ITGA7: variants seen among roughly 807,000 people sequenced by gnomAD.
ITGA7 encodes the protein integrin subunit alpha 7.
Under a neutral mutation model 131.6 loss-of-function variants are expected in ITGA7, and 84 were observed. The ratio of observed to expected loss-of-function variants is 0.64; its 90% CI spans 0.54 to 0.77. The LOEUF (loss-of-function observed/expected upper bound fraction) is 0.77, where lower values mean the gene tolerates loss of function less well. ITGA7 is among the 30% of genes least tolerant of loss of function. The pLI, the probability that ITGA7 is intolerant of heterozygous loss-of-function variation, is 0.00. For missense variants in ITGA7, 1,399 were observed against 1,482.9 expected (o/e 0.94, Z 0.93); for synonymous variants, 548 against 600.7 (o/e 0.91, Z 1.28).
rs1294155594 is a variant in ITGA7 at position 55,694,182 on chromosome 12, AG to A, written c.2433-60del. 6.2e-7 allele frequency: 1 copy of A among 1,611,138 alleles called. No homozygotes were observed. The highest frequency in any genetic ancestry group is 8.5e-7 in the Non-Finnish European group (1 of 1,177,230). ...GTCTGGGGCCTGGCTCAATGAAGGC[AG>A]GGCCCTGGCCAAGGTTTGGAAATGT... On this transcript the variant is annotated intron_variant, in intron 18 of 24. Transcript: ENST00000257879. The surrounding 1 kb of genome is among the most constrained non-coding windows in gnomAD (Gnocchi z 5.3).
At chr12:55,710,713 T>A (rs1876024064), upstream of ITGA7, among the ~76,000 whole-genome samples, 2 of 148,278 alleles carry the variant, frequency 1.3e-5, no homozygotes, top group Admixed American at 1.3e-4. Context: ...CAGTGAGCCA[T>A]GATCTTGCCA....
chr12:55,715,017 C>T (rs1158933794), upstream of ITGA7, among the ~76,000 whole-genome samples: 2 of 151,828 alleles, frequency 1.3e-5, no homozygotes, highest in South Asian at 2.1e-4. Context: ...TGTGCCACTA[C>T]GCCTGGCTAA....
Position 55,685,276 on chromosome 12 carries a change from T to C in ITGA7, c.3196A>G (p.Lys1066Glu). Reference sequence around the variant, plus strand: ...GTGGCCTCGGGGTGCTTCGCCCGTTTGAAGAATCCCATCTATAAGGACACC... The same window carrying C: ...GTGGCCTCGGGGTGCTTCGCCCGTTCGAAGAATCCCATCTATAAGGACACC... ...VLLLWKMGFF[K>E]RAKHPEATVP... The change falls in exon 25 of 25, where the codon AAA (lysine) becomes GAA (glutamate). Residue 1066 changes from lysine to glutamate, a missense_variant. Lys to Glu is a moderately conservative substitution (Grantham distance 56). Coordinates refer to ENST00000257879, the MANE Select transcript of ITGA7 (RefSeq NM_002206.3). 3 of 1,614,134 alleles carry C rather than the reference T, an allele frequency of 1.9e-6. No homozygotes were observed. The highest frequency in any genetic ancestry group is 2.5e-6 in the Non-Finnish European group (3 of 1,180,026).
chr12:55,686,324 C>A, intron 24 of ITGA7: 1 of 1,319,148 alleles, frequency 7.6e-7, no homozygotes, highest in Non-Finnish European at 1.0e-6. Flanking sequence ...ACTAGGATGT[C>A]GAGGGAGAAG....
Position 55,694,310 on chromosome 12 carries a change from T to G in ITGA7, c.2378A>C (p.His793Pro). 2 of 1,613,912 alleles carry G rather than the reference T, an allele frequency of 1.2e-6. No individual in the cohort carries two copies. Among genetic ancestry groups the G allele is most frequent in the South Asian group, 1.1e-5 (1 of 91,086 alleles). ...LLATISEQEL[H>P]PVSARARVFI... The stretch of plus-strand genomic sequence containing the variant: ...GACACGGGCTCGTGCAGAGACTGGA[T>G]GCAGCTCCTGCTCACTGATCCTGGT... The change falls in exon 18 of 25, where the codon CAT (histidine) becomes CCT (proline). Residue 793 changes from histidine to proline, a missense_variant. Physicochemically the swap from His to Pro is moderately conservative, Grantham distance 77. Transcript: ENST00000257879. The surrounding 1 kb of genome is among the most constrained non-coding windows in gnomAD (Gnocchi z 5.3).
chr12:55,696,181 G>A (rs1425155657), intron 13 of ITGA7, 102 bp downstream of exon 13: 38 of 1,282,362 alleles, frequency 3.0e-5, no homozygotes, highest in Middle Eastern at 2.6e-4. Context: ...AGTAGCATAC[G>A]TGAAAGGGCT....
chr12:55,693,263 T>G lies in ITGA7; in HGVS notation c.2590A>C (p.Met864Leu). 5 of 1,613,744 alleles carry G rather than the reference T, an allele frequency of 3.1e-6. No homozygotes were observed. The South Asian group carries it at 5.5e-5, about 18-fold the overall frequency. Residue 864 changes from methionine (M) to leucine (L), a missense_variant, in exon 20 of 25, where the codon ATG (methionine) becomes CTG (leucine). Physicochemically the swap from Met to Leu is conservative, Grantham distance 15. Coordinates refer to ENST00000257879, the MANE Select transcript of ITGA7 (RefSeq NM_002206.3). ...CCATTGGCAATCTCATGAGGCCACATGATGTTGAGGAAGGCAGAGCCCAGG... is the reference window on the plus strand; with the variant it reads ...CCATTGGCAATCTCATGAGGCCACAGGATGTTGAGGAAGGCAGAGCCCAGG... ...RTLGSAFLNI[M>L]WPHEIANGKW...
chr12:55,703,108 C>A lies in ITGA7; in HGVS notation c.277G>T (p.Ala93Ser), dbSNP rs777338785. The A allele has an allele frequency of 6.2e-7, 1 of 1,613,982 alleles. No individual in the cohort carries two copies. The highest frequency in any genetic ancestry group is 8.5e-7 in the Non-Finnish European group (1 of 1,180,048). Residue 93 changes from alanine (A) to serine (S), a missense_variant, in exon 2 of 25, where the codon GCT becomes TCT. Coordinates refer to ENST00000257879, the MANE Select transcript of ITGA7 (RefSeq NM_002206.3). ...GTCTCCTCCAGGCTCAACGGGCAAG[C>A]GAAGAGGCCTCCAGTGCGATTCGCC... The part of the protein sequence containing the change: ...QQANRTGGLF[A>S]CPLSLEETDC...
Position 55,692,825 on chromosome 12 carries a change from G to T in ITGA7, c.2844+19C>A. On this transcript the variant is annotated intron_variant, in intron 21 of 24. Transcript: ENST00000257879. ...AGCACCCCGGAGCTCTGGCTGCACC[G>T]AGTCTGGCCTGCCCTCACCAGGGTG... is the stretch of plus-strand genomic sequence containing the variant. The T allele has an allele frequency of 6.3e-7, 1 of 1,597,490 alleles. No individual in the cohort carries two copies.
intron 20 of ITGA7, 24 bp downstream of exon 20, chr12:55,693,117 C>A (rs369222025): frequency 3.1e-6 from 5 of 1,612,448 alleles, no homozygotes; most frequent in African/African-American, 1.3e-5. Context: ...CCACATCTAA[C>A]CCCCACCCCC....
upstream of ITGA7, among the ~76,000 whole-genome samples, chr12:55,711,681 C>A (rs1015518721): frequency 1.3e-5 from 2 of 151,908 alleles, no homozygotes; most frequent in African/African-American, 4.8e-5. Context: ...AGAAACTGAA[C>A]TTTTTAAATA....
At chr12:55,712,069 A>C (rs1156313051), upstream of ITGA7, 1 of 1,551,374 alleles carries the variant, frequency 6.4e-7, no homozygotes, top group Non-Finnish European at 8.7e-7. Context: ...TCACCTCTCC[A>C]GCACTGGAAT....
At chr12:55,716,172 C>G, upstream of ITGA7, 4 of 1,612,096 alleles carry the variant, frequency 2.5e-6, no homozygotes, top group Middle Eastern at 1.7e-4. Flanking sequence ...CCAGGCCAAG[C>G]AGAATGAACG....
chr12:55,693,490 G>A lies in ITGA7; in HGVS notation c.2536-173C>T, dbSNP rs1053047328. On this transcript the variant is annotated intron_variant, in intron 19 of 24. Coordinates refer to ENST00000257879, the MANE Select transcript of ITGA7 (RefSeq NM_002206.3). ...GCTGTGATTACAGGCATGAGCCACC[G>A]TGCCCAGCCAAGGAACTCAGCTTTC... Among the ~76,000 whole-genome samples the A allele has an allele frequency of 4.0e-5, 6 of 151,500 alleles. No homozygotes were observed. The East Asian group carries it at 5.8e-4, about 15-fold the overall frequency.
rs752694795 is a variant in ITGA7, at chr12:55,696,973, G to A, written c.1663C>T (p.His555Tyr). The A allele has an allele frequency of 6.2e-7, 1 of 1,614,172 alleles. No homozygotes were observed. The highest frequency in any genetic ancestry group is 1.1e-5 in the South Asian group (1 of 91,088). ...FLSRNLEEPK[H>Y]QASGTVWLKH... ...AGCCACACGGTGCCCGAGGCCTGGT[G>A]CTTGGGTTCTTCCAGGTTACGGCTC... The change falls in exon 12 of 25, where the codon CAC becomes TAC. Residue 555 changes from histidine to tyrosine, a missense_variant. His to Tyr is a moderately conservative substitution (Grantham distance 83, BLOSUM62 2). Transcript: ENST00000257879.
chr12:55,700,031 A>G, intron 4 of ITGA7, 42 bp from the exon 5 acceptor site: 1 of 1,610,856 alleles, frequency 6.2e-7, no homozygotes, highest in Non-Finnish European at 8.5e-7. Context: ...GGACATCCAG[A>G]GTAGGGGCCA....
chr12:55,698,443 CA>C lies in ITGA7; in HGVS notation c.1131del (p.Asp378ThrfsTer128). The C allele has an allele frequency of 6.2e-7, 1 of 1,613,658 alleles. No individual in the cohort carries two copies. On this transcript the variant is annotated frameshift_variant, in exon 7 of 25. Transcript: ENST00000257879. LOFTEE classifies it high-confidence loss of function. ...GCCAGGCTGATCCCGAACATGGAGT[CA>C]GGGGAGCCGCAGAGCCGGAGAGGGG... is the stretch of plus-strand genomic sequence containing the variant. Reference protein sequence around the residue: ...GISPLRLCGSPDSMFGISLAV... With the variant: ...GISPLRLCGSXDSMFGISLAV...
At chr12:55,709,245 C>T (rs756594119), upstream of ITGA7, among the ~76,000 whole-genome samples, 5 of 152,156 alleles carry the variant, frequency 3.3e-5, no homozygotes, top group African/African-American at 7.2e-5. Flanking sequence ...CATATTCTTA[C>T]GATTCTTTCT....
intron 21 of ITGA7, among the ~76,000 whole-genome samples, chr12:55,690,540 C>G (rs1038330498): frequency 3.1e-4 from 47 of 150,068 alleles, no homozygotes; most frequent in Admixed American, 1.6e-3. Flanking sequence ...TAAACTAGTT[C>G]AAACCTTGTG....
Sources: allele counts gnomAD v4.1 joint callset (sites outside exome capture counted in the v4.1 genomes callset), GRCh38; gene constraint gnomAD v4.1.1; non-coding constraint Gnocchi (gnomAD v3.1); transcripts MANE v1.5; gene names NCBI Gene and HGNC (gene_info 2026-07-23, HGNC 2026-07-21).